The following ADAM2 variants were observed in gnomAD, a reference collection of about 807,000 sequenced individuals.
ADAM2 encodes disintegrin and metalloproteinase domain-containing protein 2.
Under a neutral mutation model 99.3 loss-of-function variants are expected in ADAM2, and 101 were observed. That is an observed-to-expected ratio of 1.02 (90% CI 0.87 to 1.20). ADAM2 has a LOEUF of 1.20. Among genes scored for constraint, ADAM2 ranks in the 50% most tolerant of loss-of-function variants. The pLI is 0.00. For missense variants in ADAM2, 948 were observed against 878.7 expected (o/e 1.08, Z -1.00); for synonymous variants, 323 against 287.6 (o/e 1.12, Z -1.25).
At chr8:39,785,394 C>G (rs976559266) in intron 10 of ADAM2, among the ~76,000 whole-genome samples, 1 of 152,172 alleles carries the variant, frequency 6.6e-6, no homozygotes, top group Non-Finnish European at 1.5e-5. Flanking sequence ...ATGAGGAAAA[C>G]AGACTGCTTA....
chr8:39,817,962 A>T (rs912410774), intron 6 of ADAM2: 1 of 151,950 alleles, frequency 6.6e-6, no homozygotes, highest in African/African-American at 2.4e-5. Flanking sequence ...ACTAATAAAA[A>T]TCCTTCCCTA....
chr8:39,815,567 A>T (rs546887609), intron 6 of ADAM2, among the ~76,000 whole-genome samples: 2 of 152,220 alleles, frequency 1.3e-5, no homozygotes, highest in African/African-American at 4.8e-5. Context: ...ATGCTTATTT[A>T]TTCATGTTTT....
chr8:39,750,554 G>A (rs1801886354), intron 16 of ADAM2, among the ~76,000 whole-genome samples: 1 of 152,128 alleles, frequency 6.6e-6, no homozygotes, highest in African/African-American at 2.4e-5. Flanking sequence ...ATAGCCTATA[G>A]ATACAAAGTT....
chr8:39,817,591 T>C (rs149063720), intron 6 of ADAM2, among the ~76,000 whole-genome samples: 145 of 152,270 alleles, frequency 9.5e-4, no homozygotes, highest in African/African-American at 3.2e-3. Flanking sequence ...CAAAATATCA[T>C]TTGTATCCCA....
chr8:39,810,849 A>G (rs896502988), intron 6 of ADAM2, among the ~76,000 whole-genome samples: 3 of 152,206 alleles, frequency 2.0e-5, no homozygotes, highest in Non-Finnish European at 4.4e-5. Flanking sequence ...TCTAAAATTG[A>G]CACCCTAACA....
At chr8:39,775,868 C>A (rs977520125) in intron 11 of ADAM2, among the ~76,000 whole-genome samples, 3 of 152,000 alleles carry the variant, frequency 2.0e-5, no homozygotes, top group African/African-American at 4.8e-5. Context: ...CTCTAAAACA[C>A]CTCTTTTATG....
At chr8:39,802,658 T>C (rs1360338208) in intron 7 of ADAM2, among the ~76,000 whole-genome samples, 1 of 152,152 alleles carries the variant, frequency 6.6e-6, no homozygotes, top group Non-Finnish European at 1.5e-5. Context: ...CAACTTGATG[T>C]AAATCTTAAG....
intron 7 of ADAM2, among the ~76,000 whole-genome samples, chr8:39,805,217 T>C (rs1804388515): frequency 6.6e-6 from 1 of 152,192 alleles, no homozygotes; most frequent in East Asian, 1.9e-4. Context: ...ATCCCACCTC[T>C]TAATACCATC....
At chr8:39,824,994 G>C (rs7845026) in intron 3 of ADAM2, 97 bp from the exon 4 acceptor site, 21 of 643,080 alleles carry the variant, frequency 3.3e-5, no homozygotes, top group Non-Finnish European at 5.5e-5. Context: ...GACACAGAAA[G>C]AGCAAGAGAA....
chr8:39,830,562 C>A (rs1006593797), intron 3 of ADAM2, among the ~76,000 whole-genome samples: 4 of 152,116 alleles, frequency 2.6e-5, no homozygotes, highest in African/African-American at 9.7e-5. Flanking sequence ...GCTGGTACCA[C>A]AGCTGAAAGA....
chr8:39,782,783 G>T (rs1031647426), intron 10 of ADAM2, among the ~76,000 whole-genome samples: 1 of 151,918 alleles, frequency 6.6e-6, no homozygotes, highest in Admixed American at 6.6e-5. Context: ...ACCCATTTTG[G>T]TAGGTTGTTA....
chr8:39,779,837 A>G (rs1323310999), intron 10 of ADAM2, among the ~76,000 whole-genome samples: 5 of 152,174 alleles, frequency 3.3e-5, no homozygotes, highest in Non-Finnish European at 5.9e-5. Context: ...TGCCTGCCAT[A>G]TAAGTTTTTT....
chr8:39,795,901 C>T (rs1223387288), intron 7 of ADAM2, among the ~76,000 whole-genome samples: 1 of 152,110 alleles, frequency 6.6e-6, no homozygotes. Context: ...TCTCACTGCA[C>T]TTACATAATA....
chr8:39,794,220 G>A (rs964394442), intron 7 of ADAM2, among the ~76,000 whole-genome samples: 1 of 152,130 alleles, frequency 6.6e-6, no homozygotes, highest in African/African-American at 2.4e-5. Context: ...CATATGTACA[G>A]AGTATTTTTC....
At chr8:39,744,720 G>T (rs1260465007) in intron 20 of ADAM2, 110 bp downstream of exon 20, 2 of 647,946 alleles carry the variant, frequency 3.1e-6, no homozygotes, top group Admixed American at 2.8e-5. Context: ...GTTGATAGGT[G>T]CAGCAAACCA....
At chr8:39,749,193 G>T (rs1823599448) in intron 18 of ADAM2, 119 bp downstream of exon 18, 3 of 839,258 alleles carry the variant, frequency 3.6e-6, no homozygotes, top group Non-Finnish European at 5.5e-6. Flanking sequence ...ACATTCATGT[G>T]CAGTTTAATG....
chr8:39,755,802 C>A lies in ADAM2; in HGVS notation c.1723G>T (p.Val575Leu), dbSNP rs777390090. 32 of 1,612,742 alleles carry A rather than the reference C, an allele frequency of 2.0e-5. No individual in the cohort carries two copies. Among genetic ancestry groups the A allele is most frequent in the Non-Finnish European group, 2.6e-5 (31 of 1,179,172 alleles). ...ANISGHLCIA[V>L]EFASDHADSQ... ...TCTGCATGATCACTGGCAAATTCCACAGCAATGCAGAGATGTCCACTTATG... is the reference window on the plus strand; with the variant it reads ...TCTGCATGATCACTGGCAAATTCCAAAGCAATGCAGAGATGTCCACTTATG... Residue 575 changes from valine (V) to leucine (L), a missense_variant, in exon 16 of 21, where the codon GTG (valine) becomes TTG (leucine). Val to Leu is a conservative substitution (Grantham distance 32). Coordinates refer to ENST00000265708, the MANE Select transcript of ADAM2 (RefSeq NM_001464.5).
intron 19 of ADAM2, among the ~76,000 whole-genome samples, chr8:39,746,246 T>G (rs1397804165): frequency 6.6e-6 from 1 of 152,158 alleles, no homozygotes; most frequent in African/African-American, 2.4e-5. Context: ...AGGCTTGTCT[T>G]GAACTCCTGG....
intron 16 of ADAM2, among the ~76,000 whole-genome samples, chr8:39,751,514 T>C (rs1586044797): frequency 7.7e-6 from 1 of 129,058 alleles, no homozygotes; most frequent in Admixed American, 7.7e-5. Flanking sequence ...TGTTTGTTTG[T>C]TTTTGCTTTA....
Sources: allele counts gnomAD v4.1 joint callset (sites outside exome capture counted in the v4.1 genomes callset), GRCh38; gene constraint gnomAD v4.1.1; transcripts MANE v1.5; gene names NCBI Gene and HGNC (gene_info 2026-07-23, HGNC 2026-07-21).